Variants in PIP5K1C observed in about 807,000 individuals in gnomAD.
PIP5K1C encodes phosphatidylinositol-4-phosphate 5-kinase type 1 gamma.
In PIP5K1C, 45 loss-of-function variants were observed where a neutral mutation model predicts 80.1. The ratio of observed to expected loss-of-function variants is 0.56; its 90% CI spans 0.44 to 0.72. PIP5K1C has a LOEUF of 0.72. Among genes scored for constraint, PIP5K1C ranks in the 30% least tolerant of loss-of-function variants. The probability of loss-of-function intolerance (pLI) is 0.00; values close to 1 mark genes in which losing one functional copy is unlikely to be tolerated. For synonymous variants in PIP5K1C, 498 were observed against 420.1 expected (o/e 1.19, Z -2.27); for missense variants, 753 against 954.6 (o/e 0.79, Z 2.78).
At position 3,688,771 on chromosome 19, in the gene PIP5K1C, C is replaced by T. The variant is rs1207440350; in HGVS notation, c.94+11526G>A. On this transcript the variant is annotated intron_variant, in intron 1 of 17. Coordinates refer to ENST00000335312, the MANE Select transcript of PIP5K1C (RefSeq NM_012398.3). This position sits in a 1 kb window ranked among gnomAD's most constrained non-coding sequence, Gnocchi z 5.3. ...GAGGAGAGTGGGGGGAGAACGAGAG[C>T]GAGAGACACACCGAGCTGGTGGGCC... Among the ~76,000 whole-genome samples the T allele has an allele frequency of 6.6e-6, 1 of 151,652 alleles. No homozygotes were observed. The highest frequency in any genetic ancestry group is 1.5e-5 in the Non-Finnish European group (1 of 67,910).
intron 3 of PIP5K1C, among the ~76,000 whole-genome samples, chr19:3,662,250 C>T (rs1022717975): frequency 1.3e-5 from 2 of 152,244 alleles, no homozygotes; most frequent in Admixed American, 6.5e-5. Context: ...TGCCGCACCA[C>T]GTCACTCAGC....
chr19:3,643,459 C>A, intron 12 of PIP5K1C, 78 bp from the exon 13 acceptor site: 1 of 1,575,268 alleles, frequency 6.3e-7, no homozygotes, highest in Non-Finnish European at 8.6e-7. Context: ...TGAGGCTTGG[C>A]TCACCCTGGG....
intron 2 of PIP5K1C, among the ~76,000 whole-genome samples, chr19:3,665,504 C>T (rs762275086): frequency 6.6e-6 from 1 of 152,166 alleles, no homozygotes; most frequent in Non-Finnish European, 1.5e-5. Flanking sequence ...GGGGGTCAGG[C>T]TTCCTGCCAA....
At chr19:3,660,389 A>G (rs569378148) in intron 5 of PIP5K1C, among the ~76,000 whole-genome samples, 3 of 151,966 alleles carry the variant, frequency 2.0e-5, no homozygotes, top group East Asian at 3.9e-4. Flanking sequence ...CGAAAAAAAA[A>G]AAAGGGGGTG....
intron 1 of PIP5K1C, among the ~76,000 whole-genome samples, chr19:3,695,018 C>A (rs2036058611): frequency 6.6e-6 from 1 of 152,272 alleles, no homozygotes; most frequent in South Asian, 2.1e-4. Flanking sequence ...GGCAACGGAA[C>A]AAATGGTGTG....
chr19:3,678,117 AGAGATGGAG>A (rs2035443583), intron 1 of PIP5K1C, among the ~76,000 whole-genome samples: 1 of 118,608 alleles, frequency 8.4e-6, no homozygotes, highest in Non-Finnish European at 1.7e-5. Context: ...GGAGGGATGG[AGAGATGGAG>A]GGATGGAGAG....
chr19:3,686,853 C>T (rs781581010), intron 1 of PIP5K1C, among the ~76,000 whole-genome samples: 1 of 151,870 alleles, frequency 6.6e-6, no homozygotes, highest in African/African-American at 2.4e-5. Context: ...TTGGATTAGG[C>T]AACAATTTCT....
At position 3,637,565 on chromosome 19, in the gene PIP5K1C, G is replaced by A. The variant is rs1405084790; in HGVS notation, c.1920+1319C>T. On this transcript the variant is annotated intron_variant, in intron 16 of 17. Transcript: ENST00000335312. The surrounding 1 kb of genome is among the most constrained non-coding windows in gnomAD (Gnocchi z 7.0). The stretch of plus-strand genomic sequence containing the variant: ...CCCGAGGCGCTCAGCGTCACGGCCC[G>A]CAGTCGGCGATGGCGGGGAGAGTAA... The A allele has an allele frequency of 1.1e-5, 17 of 1,534,262 alleles. No homozygotes were observed. The highest frequency in any genetic ancestry group is 2.4e-5 in the East Asian group (1 of 40,826).
chr19:3,681,846 C>T (rs1004005765), intron 1 of PIP5K1C, among the ~76,000 whole-genome samples: 1 of 152,078 alleles, frequency 6.6e-6, no homozygotes, highest in East Asian at 1.9e-4. Context: ...TTCAGATAAA[C>T]TCCAGGGGGT....
intron 1 of PIP5K1C, among the ~76,000 whole-genome samples, chr19:3,671,263 G>A (rs2035196990): frequency 6.6e-6 from 1 of 152,242 alleles, no homozygotes; most frequent in Admixed American, 6.5e-5. Flanking sequence ...CCGATGCTGA[G>A]AGGTCACAGC....
chr19:3,691,658 G>A (rs1300598470), intron 1 of PIP5K1C, among the ~76,000 whole-genome samples: 1 of 151,084 alleles, frequency 6.6e-6, no homozygotes, highest in African/African-American at 2.4e-5. Context: ...CTTTTCAATA[G>A]CAGTCACCTC....
chr19:3,637,622 G>A lies in PIP5K1C; in HGVS notation c.1920+1262C>T. 6.6e-7 allele frequency: 1 copy of A among 1,523,686 alleles called. No individual in the cohort carries two copies. The highest frequency in any genetic ancestry group is 1.2e-5 in the South Asian group (1 of 83,072). 94.4% of individuals were successfully genotyped at this position (1,523,686 alleles called of 1,614,324 possible). A position where few individuals can be genotyped will look rare whatever the true frequency, so the allele number is the denominator to read the frequency against. ...TACCTCCCATCCGTGAACTGGACGG[G>A]GCGGGCCGGGTGGGCCGGAGGAGGA... is the stretch of plus-strand genomic sequence containing the variant. On this transcript the variant is annotated intron_variant, in intron 16 of 17. Coordinates refer to ENST00000335312, the MANE Select transcript of PIP5K1C (RefSeq NM_012398.3). The surrounding 1 kb of genome is among the most constrained non-coding windows in gnomAD (Gnocchi z 7.0).
intron 1 of PIP5K1C, among the ~76,000 whole-genome samples, chr19:3,694,211 C>CAA (rs1175485721): frequency 8.4e-4 from 48 of 57,428 alleles, no homozygotes; most frequent in African/African-American, 2.3e-3. Flanking sequence ...GACTCCATCT[C>CAA]AAAAAAAAAA....
chr19:3,687,747 G>A (rs2035807834), intron 1 of PIP5K1C, among the ~76,000 whole-genome samples: 1 of 152,184 alleles, frequency 6.6e-6, no homozygotes, highest in African/African-American at 2.4e-5. Flanking sequence ...CACCCGAGTA[G>A]TAGGCCGCCC....
chr19:3,635,907 G>A (rs769343735), intron 16 of PIP5K1C, among the ~76,000 whole-genome samples: 22 of 151,894 alleles, frequency 1.4e-4, no homozygotes, highest in Non-Finnish European at 2.8e-4. Context: ...GTGAACCCGG[G>A]AGGCGGAACT....
At chr19:3,662,246 A>G (rs2034858307) in intron 3 of PIP5K1C, among the ~76,000 whole-genome samples, 1 of 152,144 alleles carries the variant, frequency 6.6e-6, no homozygotes, top group Non-Finnish European at 1.5e-5. Flanking sequence ...CAACTGCCGC[A>G]CCACGTCACT....
intron 1 of PIP5K1C, among the ~76,000 whole-genome samples, chr19:3,691,019 G>A (rs1436268133): frequency 1.3e-5 from 2 of 152,200 alleles, no homozygotes; most frequent in Non-Finnish European, 2.9e-5. Context: ...GGTGACCGTC[G>A]GGAGGAGTGG....
Position 3,650,445 on chromosome 19 carries a change from C to T in PIP5K1C, c.1127+1381G>A, listed in dbSNP as rs192234106. ...ACTGCTATACGACACCTGTCTATCCCGCATCCGGGGCCATGTCTGGGGACA... is the reference window on the plus strand; with the variant it reads ...ACTGCTATACGACACCTGTCTATCCTGCATCCGGGGCCATGTCTGGGGACA... On this transcript the variant is annotated intron_variant, in intron 8 of 17. Transcript: ENST00000335312. 1.3e-3 allele frequency among the ~76,000 whole-genome samples: 192 copies of T among 152,386 alleles called. 1 individual carries two copies. Among genetic ancestry groups the T allele is most frequent in the Admixed American group, 0.01 (154 of 15,306 alleles).
chr19:3,644,598 G>A (rs757836443), intron 11 of PIP5K1C, among the ~76,000 whole-genome samples: 1 of 152,182 alleles, frequency 6.6e-6, no homozygotes, highest in Non-Finnish European at 1.5e-5. Flanking sequence ...GGCCCAGCCC[G>A]GGCAGGGCCC....
Sources: gnomAD v4.1 joint callset for allele counts (sites outside exome capture counted in the v4.1 genomes callset) on GRCh38, gnomAD v4.1.1 for gene constraint, Gnocchi (gnomAD v3.1) non-coding constraint, MANE v1.5 for transcripts, NCBI Gene and HGNC (gene_info 2026-07-23, HGNC 2026-07-21) for gene names.